The following EPB41L5 variants were observed in gnomAD, a reference collection of about 807,000 sequenced individuals.
EPB41L5 encodes erythrocyte membrane protein band 4.1 like 5, also known as band 4.1-like protein 5.
Under a neutral mutation model 106.6 loss-of-function variants are expected in EPB41L5, and 55 were observed. The observed-to-expected ratio is 0.52, with a 90% CI of 0.42 to 0.65. EPB41L5 has a LOEUF of 0.65. EPB41L5 is among the 30% of genes least tolerant of loss of function. EPB41L5 has a pLI of 0.00. For missense variants in EPB41L5, 871 were observed against 882.1 expected (o/e 0.99, Z 0.16); for synonymous variants, 297 against 306.7 (o/e 0.97, Z 0.33).
chr2:120,061,645 CCCGG>C (rs1275993651), intron 3 of EPB41L5, among the ~76,000 whole-genome samples: 2 of 152,164 alleles, frequency 1.3e-5, no homozygotes, highest in African/African-American at 4.8e-5. Context: ...AGCCACCACA[CCCGG>C]CCTATTCAGT....
intron 2 of EPB41L5, among the ~76,000 whole-genome samples, chr2:120,021,234 G>A (rs1167024508): frequency 6.6e-6 from 1 of 152,130 alleles, no homozygotes; most frequent in African/African-American, 2.4e-5. Context: ...CAGCTACTCA[G>A]GAGGCTGAGG....
At chr2:120,073,918 G>C (rs1307269677) in intron 4 of EPB41L5, among the ~76,000 whole-genome samples, 182 bp from the exon 5 acceptor site, 2 of 152,120 alleles carry the variant, frequency 1.3e-5, no homozygotes, top group Admixed American at 6.5e-5. Context: ...AGAGTTAATA[G>C]TAATATGATG....
chr2:120,018,978 G>C, intron 1 of EPB41L5, 99 bp from the exon 2 acceptor site: 1 of 1,066,086 alleles, frequency 9.4e-7, no homozygotes, highest in South Asian at 1.5e-5. Flanking sequence ...TTCTACTAAT[G>C]TTCACAGGAC....
At chr2:120,073,255 G>T in intron 4 of EPB41L5, 35 bp downstream of exon 4, 1 of 1,515,190 alleles carries the variant, frequency 6.6e-7, no homozygotes, top group Non-Finnish European at 9.1e-7. Flanking sequence ...GGGGGGGAAA[G>T]GAAATAGAAT....
chr2:120,044,108 C>G (rs1337019970), intron 3 of EPB41L5, among the ~76,000 whole-genome samples: 3 of 148,114 alleles, frequency 2.0e-5, no homozygotes, highest in Non-Finnish European at 4.4e-5. Context: ...CCACTGCACT[C>G]TAGTCTGGGT....
In EPB41L5 at chr2:120,102,206, A is replaced by G. The variant is rs1015459662; in HGVS notation, c.1337+1392A>G. Among the ~76,000 whole-genome samples, 13 of 152,308 alleles carry G rather than the reference A, an allele frequency of 8.5e-5. No homozygotes were observed. The East Asian group carries it at 1.5e-3, about 18-fold the overall frequency. On this transcript the variant is annotated intron_variant, in intron 16 of 24. Coordinates refer to ENST00000263713, the MANE Select transcript of EPB41L5 (RefSeq NM_020909.4). Reference sequence around the variant, plus strand: ...CGACACTGAATCTTTGAGTTTTTCCATATGAATAGGTACATATTTAAACCT... The same window carrying G: ...CGACACTGAATCTTTGAGTTTTTCCGTATGAATAGGTACATATTTAAACCT...
At chr2:120,015,583 TTC>T (rs1448664508) in intron 1 of EPB41L5, among the ~76,000 whole-genome samples, 1 of 152,138 alleles carries the variant, frequency 6.6e-6, no homozygotes, top group Non-Finnish European at 1.5e-5. Flanking sequence ...CTCTTCAGTG[TTC>T]TGTGATTTGA....
At chr2:120,099,896 G>A (rs1224620479) in intron 14 of EPB41L5, among the ~76,000 whole-genome samples, 5 of 152,202 alleles carry the variant, frequency 3.3e-5, no homozygotes, top group Admixed American at 2.0e-4. Flanking sequence ...AGAAGTGACA[G>A]ATAAGTTTAT....
intron 20 of EPB41L5, among the ~76,000 whole-genome samples, chr2:120,155,646 T>A (rs1269153968): frequency 6.6e-6 from 1 of 152,174 alleles, no homozygotes; most frequent in Non-Finnish European, 1.5e-5. Flanking sequence ...TATGCTTGAT[T>A]ATGTCCCACA....
At position 120,090,468 on chromosome 2, in the gene EPB41L5, G is replaced by C. The variant is rs560433313; in HGVS notation, c.995G>C (p.Ser332Thr). ...FFRLRGPVQKSSHRSGFIRLG... is the reference protein window; with the variant it reads ...FFRLRGPVQKTSHRSGFIRLG... ...CGCCTTCGAGGCCCCGTCCAAAAGA[G>C]TTCTCATCGATCAGGATTTATTCGA... Residue 332 changes from serine to threonine, a missense_variant, in exon 12 of 25, where the codon AGT becomes ACT. Ser to Thr is a moderately conservative substitution (Grantham distance 58, BLOSUM62 1). Coordinates refer to ENST00000263713, the MANE Select transcript of EPB41L5 (RefSeq NM_020909.4). 2 of 1,613,648 alleles carry C rather than the reference G, an allele frequency of 1.2e-6. No homozygotes were observed. Among genetic ancestry groups the C allele is most frequent in the South Asian group, 2.2e-5 (2 of 91,018 alleles).
chr2:120,152,081 A>C (rs1558908771), intron 20 of EPB41L5, among the ~76,000 whole-genome samples: 1 of 152,234 alleles, frequency 6.6e-6, no homozygotes, highest in Non-Finnish European at 1.5e-5. Context: ...AGAGACAAAA[A>C]CTGACATTCT....
intron 10 of EPB41L5, among the ~76,000 whole-genome samples, chr2:120,084,212 C>G (rs886613913): frequency 2.6e-5 from 4 of 152,178 alleles, no homozygotes; most frequent in Admixed American, 6.5e-5. Context: ...GCAGTTTCTT[C>G]CTAGCATCGA....
At position 120,100,242 on chromosome 2, in the gene EPB41L5, A is replaced by G. The variant is rs1354962965; in HGVS notation, c.1179-2A>G. On this transcript the variant is annotated splice_acceptor_variant, in intron 14 of 24. Transcript: ENST00000263713. LOFTEE classifies it high-confidence loss of function. ...TTAATTGATTTTTTTTTCCCATTAC[A>G]GTGTTCACAATAATGTTTCGACCCA... is the stretch of plus-strand genomic sequence containing the variant. The G allele has an allele frequency of 6.2e-7, 1 of 1,612,682 alleles. No individual in the cohort carries two copies. Among genetic ancestry groups the G allele is most frequent in the Admixed American group, 1.7e-5 (1 of 59,926 alleles).
At chr2:120,123,086 T>G (rs1419597609) in intron 16 of EPB41L5, among the ~76,000 whole-genome samples, 1 of 152,202 alleles carries the variant, frequency 6.6e-6, no homozygotes, top group Non-Finnish European at 1.5e-5. Flanking sequence ...GCCCAGGATA[T>G]GGTGGTCTGA....
chr2:120,073,844 T>G (rs541779655), intron 4 of EPB41L5, among the ~76,000 whole-genome samples: 138 of 152,316 alleles, frequency 9.1e-4, no homozygotes, highest in African/African-American at 3.3e-3. Context: ...CAGTCAAGAC[T>G]TTTATTTGAT....
At chr2:120,022,614 G>A (rs1346774291) in intron 2 of EPB41L5, among the ~76,000 whole-genome samples, 2 of 152,156 alleles carry the variant, frequency 1.3e-5, no homozygotes, top group Non-Finnish European at 2.9e-5. Flanking sequence ...CCAAGTCTTT[G>A]CTATTGTGAA....
rs767352202 is a variant in EPB41L5, at chr2:120,074,132, A to G, written c.361A>G (p.Lys121Glu). 1 of 1,612,570 alleles carries G rather than the reference A, an allele frequency of 6.2e-7. No homozygotes were observed. Among genetic ancestry groups the G allele is most frequent in the East Asian group, 2.2e-5 (1 of 44,788 alleles). The change falls in exon 5 of 25, where the codon AAG becomes GAG. Residue 121 changes from lysine (K) to glutamate (E), a missense_variant. Coordinates refer to ENST00000263713, the MANE Select transcript of EPB41L5 (RefSeq NM_020909.4). Reference sequence around the variant, plus strand: ...ACCCTATTGTCTGCATCTTCGAGTTAAGTTTTATTCCTCAGAACCAAATAA... The same window carrying G: ...ACCCTATTGTCTGCATCTTCGAGTTGAGTTTTATTCCTCAGAACCAAATAA... Reference protein sequence around the residue: ...GSPYCLHLRVKFYSSEPNNLR... With the variant: ...GSPYCLHLRVEFYSSEPNNLR...
chr2:120,085,186 G>C (rs1682972624), intron 10 of EPB41L5, among the ~76,000 whole-genome samples: 1 of 152,160 alleles, frequency 6.6e-6, no homozygotes, highest in Non-Finnish European at 1.5e-5. Flanking sequence ...TCCTTTGGAG[G>C]GGAGAGGCGC....
chr2:120,022,628 T>G (rs1349563727), intron 2 of EPB41L5, among the ~76,000 whole-genome samples: 1 of 152,194 alleles, frequency 6.6e-6, no homozygotes, highest in East Asian at 1.9e-4. Context: ...TTGTGAATAG[T>G]GCTGCAGTAA....
Sources: gnomAD v4.1 joint callset for allele counts (sites outside exome capture counted in the v4.1 genomes callset) on GRCh38, gnomAD v4.1.1 for gene constraint, MANE v1.5 for transcripts, NCBI Gene and HGNC (gene_info 2026-07-23, HGNC 2026-07-21) for gene names.